The following STARD13 variants were observed in gnomAD, a reference collection of about 807,000 sequenced individuals.
STARD13 encodes the protein StAR related lipid transfer domain containing 13.
Under a neutral mutation model 106.4 loss-of-function variants are expected in STARD13, and 62 were observed. The observed-to-expected ratio is 0.58, with a 90% CI of 0.48 to 0.72. The LOEUF (loss-of-function observed/expected upper bound fraction) is 0.72. STARD13 is among the 30% of genes least tolerant of loss of function. The pLI, the probability that STARD13 is intolerant of heterozygous loss-of-function variation, is 0.00. For missense variants in STARD13, 1,387 were observed against 1,424.0 expected (o/e 0.97, Z 0.42); for synonymous variants, 565 against 553.0 (o/e 1.02, Z -0.31).
chr13:33,370,811 G>A, the STARD13 span, among the ~76,000 whole-genome samples: 13 of 151,410 alleles, frequency 8.6e-5, no homozygotes, highest in Admixed American at 3.9e-4. Context: ...TAGTAGAGAC[G>A]GGTTTCACCA....
At chr13:33,342,755 G>T (rs1255808606) in intron 1 of STARD13, among the ~76,000 whole-genome samples, 1 of 152,182 alleles carries the variant, frequency 6.6e-6, no homozygotes, top group Non-Finnish European at 1.5e-5. Context: ...TATCACAAAA[G>T]ATTATGTAAT....
At chr13:33,372,179 G>A in the STARD13 span, among the ~76,000 whole-genome samples, 13 of 152,094 alleles carry the variant, frequency 8.5e-5, no homozygotes, top group Non-Finnish European at 1.8e-4. Context: ...TATCTGAAAG[G>A]GCACAAAAAG....
chr13:33,157,178 CT>C (rs1003801027), intron 3 of STARD13, among the ~76,000 whole-genome samples: 1 of 152,150 alleles, frequency 6.6e-6, no homozygotes, highest in East Asian at 1.9e-4. Flanking sequence ...ATCCCCACCC[CT>C]GCCCCATGTG....
chr13:33,206,803 T>A (rs1020162525), intron 1 of STARD13, among the ~76,000 whole-genome samples: 1 of 152,196 alleles, frequency 6.6e-6, no homozygotes, highest in South Asian at 2.1e-4. Context: ...TATCAGTGAG[T>A]GGAGGCCACA....
chr13:33,467,700 T>C, the STARD13 span, among the ~76,000 whole-genome samples: 1 of 152,204 alleles, frequency 6.6e-6, no homozygotes, highest in Non-Finnish European at 1.5e-5. Flanking sequence ...AGAGCTACCA[T>C]GCGCCAGGCA....
At chr13:33,253,671 C>A (rs536537139) in intron 1 of STARD13, among the ~76,000 whole-genome samples, 1 of 152,242 alleles carries the variant, frequency 6.6e-6, no homozygotes, top group Non-Finnish European at 1.5e-5. Context: ...ACAGCTGTGT[C>A]TGCTTCATGT....
the STARD13 span, among the ~76,000 whole-genome samples, chr13:33,384,934 T>A: frequency 6.6e-6 from 1 of 152,022 alleles, no homozygotes; most frequent in Non-Finnish European, 1.5e-5. Context: ...AGAAAGAGAC[T>A]CCAAAGAATA....
the STARD13 span, among the ~76,000 whole-genome samples, chr13:33,571,788 A>G: frequency 6.6e-6 from 1 of 152,108 alleles, no homozygotes; most frequent in South Asian, 2.1e-4. Flanking sequence ...TTGCTGTTTG[A>G]CTATATGTAT....
At chr13:33,368,859 A>G in the STARD13 span, among the ~76,000 whole-genome samples, 1 of 152,008 alleles carries the variant, frequency 6.6e-6, no homozygotes, top group African/African-American at 2.4e-5. Flanking sequence ...GCCTCCAGGA[A>G]ACTCTTCTGG....
At chr13:33,404,075 G>T in the STARD13 span, among the ~76,000 whole-genome samples, 1 of 152,156 alleles carries the variant, frequency 6.6e-6, no homozygotes, top group African/African-American at 2.4e-5. Flanking sequence ...GTAGTAATAC[G>T]CAGAAGAGGC....
chr13:33,118,286 T>A (rs762115425), intron 7 of STARD13, 23 bp from the exon 8 acceptor site: 5 of 1,606,668 alleles, frequency 3.1e-6, no homozygotes, highest in Non-Finnish European at 4.3e-6. Flanking sequence ...CATAGGGATG[T>A]GTCAGCCAGG....
the STARD13 span, among the ~76,000 whole-genome samples, chr13:33,548,484 GT>G: frequency 6.6e-6 from 1 of 152,200 alleles, no homozygotes; most frequent in Non-Finnish European, 1.5e-5. Flanking sequence ...CGTGGAAAAT[GT>G]GATGCCTGAT....
At chr13:33,370,184 G>A in the STARD13 span, among the ~76,000 whole-genome samples, 3 of 152,146 alleles carry the variant, frequency 2.0e-5, no homozygotes, top group Admixed American at 6.5e-5. Context: ...ACAGGGCCTG[G>A]CACATATAAC....
Position 33,112,850 on chromosome 13 carries a change from G to C in STARD13, c.2363C>G (p.Thr788Arg), listed in dbSNP as rs758687884. 1 of 1,613,990 alleles carries C rather than the reference G, an allele frequency of 6.2e-7. No individual in the cohort carries two copies. The highest frequency in any genetic ancestry group is 8.5e-7 in the Non-Finnish European group (1 of 1,179,934). Residue 788 changes from threonine (T) to arginine (R), a missense_variant, in exon 9 of 14, where the codon ACG becomes AGG. Physicochemically the swap from Thr to Arg is moderately conservative, Grantham distance 71. Coordinates refer to ENST00000336934, the MANE Select transcript of STARD13 (RefSeq NM_178006.4). ...GACGTCGTTCAGGAAACACAAGAGC[G>C]TCTGCAGGACCTCCCTGTTCTCATC... The part of the protein sequence containing the change: ...LADENREVLQ[T>R]LLCFLNDVVN...
the STARD13 span, among the ~76,000 whole-genome samples, chr13:33,467,110 T>C: frequency 6.6e-6 from 1 of 152,050 alleles, no homozygotes; most frequent in African/African-American, 2.4e-5. Flanking sequence ...ATTTCTATTA[T>C]TATTACATCC....
At chr13:33,513,328 T>G in the STARD13 span, among the ~76,000 whole-genome samples, 1 of 152,092 alleles carries the variant, frequency 6.6e-6, no homozygotes, top group Non-Finnish European at 1.5e-5. Flanking sequence ...TAGAAGAAAA[T>G]AAGAAGACAC....
chr13:33,521,340 C>T, the STARD13 span, among the ~76,000 whole-genome samples: 4 of 152,032 alleles, frequency 2.6e-5, no homozygotes, highest in African/African-American at 9.7e-5. Flanking sequence ...GACAGAAATT[C>T]AGCCAATGGC....
intron 3 of STARD13, among the ~76,000 whole-genome samples, chr13:33,154,028 T>C (rs1881637698): frequency 6.6e-6 from 1 of 152,230 alleles, no homozygotes. Context: ...AAGGTCTCCA[T>C]GCTGGCGGAC....
the STARD13 span, among the ~76,000 whole-genome samples, chr13:33,428,985 C>A: frequency 0.069 from 10,548 of 152,092 alleles, 398 homozygotes; most frequent in East Asian, 0.14. Context: ...ATCATCTTAC[C>A]CTAGTTAAAA....
Sources: gnomAD v4.1 joint callset for allele counts (sites outside exome capture counted in the v4.1 genomes callset) on GRCh38, gnomAD v4.1.1 for gene constraint, MANE v1.5 for transcripts, NCBI Gene and HGNC (gene_info 2026-07-23, HGNC 2026-07-21) for gene names.